SIRPG: variants seen among roughly 807,000 people sequenced by gnomAD.
SIRPG encodes the protein signal regulatory protein gamma.
A neutral mutation model predicts 35.7 loss-of-function variants in SIRPG; 38 were observed. That is an observed-to-expected ratio of 1.06 (90% CI 0.82 to 1.40). The LOEUF is 1.40. Among genes scored for constraint, SIRPG ranks in the 40% most tolerant of loss-of-function variants. The pLI, the probability that SIRPG is intolerant of heterozygous loss-of-function variation, is 0.00. For missense variants in SIRPG, 519 were observed against 483.0 expected, an observed-to-expected ratio of 1.07 and a Z score of -0.70; for synonymous variants, 215 against 190.4, an observed-to-expected ratio of 1.13 and a Z score of -1.06.
At chr20:1,653,246 C>T (rs1412519016) in intron 1 of SIRPG, among the ~76,000 whole-genome samples, 1 of 152,204 alleles carries the variant, frequency 6.6e-6, no homozygotes, top group Non-Finnish European at 1.5e-5. Context: ...CAAATCGTAG[C>T]TCTACCAGTT....
At chr20:1,671,890 C>A in the SIRPG span, among the ~76,000 whole-genome samples, 1 of 152,214 alleles carries the variant, frequency 6.6e-6, no homozygotes, top group Non-Finnish European at 1.5e-5. Flanking sequence ...GTGTTCCTTG[C>A]CCTCATTCCA....
At chr20:1,650,951 G>A (rs970441892) in intron 1 of SIRPG, among the ~76,000 whole-genome samples, 2 of 152,118 alleles carry the variant, frequency 1.3e-5, no homozygotes, top group Non-Finnish European at 2.9e-5. Context: ...GAAGACAGAG[G>A]GATGATATGT....
chr20:1,635,182 C>T (rs1441193565), intron 4 of SIRPG, 85 bp downstream of exon 4: 4 of 1,129,742 alleles, frequency 3.5e-6, no homozygotes, highest in South Asian at 3.2e-5. Flanking sequence ...TATTTATAGA[C>T]TTCTAGCTTA....
intron 5 of SIRPG, 109 bp downstream of exon 5, chr20:1,630,113 G>T: frequency 2.4e-6 from 2 of 829,828 alleles, no homozygotes; most frequent in Non-Finnish European, 4.0e-6. Flanking sequence ...GGTGCGGAGG[G>T]AGCTTAACTC....
chr20:1,650,004 G>GTATATATATATATATATATA lies in SIRPG; in HGVS notation c.74-616_74-597dup, dbSNP rs71193923. ...ACTCCTGAACTCTACTTTGAAGTGT[G>GTATATATATATATATATATA]TATATATATATATATATATATATGT... On this transcript the variant is annotated intron_variant, in intron 1 of 5. Coordinates refer to ENST00000303415, the MANE Select transcript of SIRPG (RefSeq NM_018556.4). 3.6e-4 allele frequency among the ~76,000 whole-genome samples: 36 copies of GTATATATATATATATATATA among 98,772 alleles called. 1 individual carries two copies. The highest frequency in any genetic ancestry group is 1.2e-3 in the African/African-American group (30 of 25,706). 64.8% of individuals were successfully genotyped at this position (98,772 alleles called of 152,430 possible).
the SIRPG span, among the ~76,000 whole-genome samples, chr20:1,673,494 GT>G: frequency 6.6e-6 from 1 of 152,116 alleles, no homozygotes; most frequent in Non-Finnish European, 1.5e-5. Flanking sequence ...CCCTGTGACT[GT>G]TTTCAGGAGG....
At chr20:1,655,840 T>C (rs1385395910) in intron 1 of SIRPG, among the ~76,000 whole-genome samples, 1 of 152,058 alleles carries the variant, frequency 6.6e-6, no homozygotes, top group Non-Finnish European at 1.5e-5. Flanking sequence ...AAAATTTCAC[T>C]GAAAATAGAA....
intron 2 of SIRPG, 93 bp from the exon 3 acceptor site, chr20:1,636,598 T>A: frequency 2.3e-6 from 3 of 1,279,058 alleles, no homozygotes; most frequent in Non-Finnish European, 3.3e-6. Flanking sequence ...TCAGATACAT[T>A]AATTTTAATC....
chr20:1,655,977 C>T (rs2091973014), intron 1 of SIRPG, among the ~76,000 whole-genome samples: 1 of 151,904 alleles, frequency 6.6e-6, no homozygotes, highest in Admixed American at 6.6e-5. Flanking sequence ...AAAAGTTTGG[C>T]TTATCATGTT....
rs185871223 is a variant in SIRPG at position 1,649,273 on chromosome 20, A to T, written c.209T>A (p.Val70Asp). ...GTAGATTAATTCCCGGCCTGGTCCA[A>T]CTCCTCTGAACCACAGGACGGGTCC... ...PVGPVLWFRG[V>D]GPGRELIYNQ... The change falls in exon 2 of 6, where the codon GTT becomes GAT. Residue 70 changes from valine to aspartate, a missense_variant. Val to Asp is a radical substitution (Grantham distance 152, BLOSUM62 -3). Transcript: ENST00000303415. The T allele has an allele frequency of 6.2e-7, 1 of 1,613,970 alleles. No homozygotes were observed. The highest frequency in any genetic ancestry group is 8.5e-7 in the Non-Finnish European group (1 of 1,179,992).
chr20:1,676,778 C>A, the SIRPG span: 1 of 214,716 alleles, frequency 4.7e-6, no homozygotes. Flanking sequence ...AACCACTGGA[C>A]AGGCCCCACA....
chr20:1,664,309 G>T, the SIRPG span, among the ~76,000 whole-genome samples: 3 of 152,154 alleles, frequency 2.0e-5, no homozygotes, highest in Non-Finnish European at 4.4e-5. Flanking sequence ...AGAGGAAAGA[G>T]AACTGTTTTT....
At chr20:1,636,128 G>T (rs1277440226) in intron 3 of SIRPG, 60 bp downstream of exon 3, 3 of 1,610,460 alleles carry the variant, frequency 1.9e-6, no homozygotes, top group African/African-American at 1.3e-5. Flanking sequence ...ACAGCCTGGG[G>T]AGAGGGGAGT....
chr20:1,682,261 T>A, the SIRPG span, among the ~76,000 whole-genome samples: 26 of 152,234 alleles, frequency 1.7e-4, no homozygotes, highest in East Asian at 5.0e-3. Context: ...GACTAAGAAA[T>A]GGTTAGAAGG....
chr20:1,678,860 C>T, the SIRPG span, among the ~76,000 whole-genome samples: 4 of 152,088 alleles, frequency 2.6e-5, no homozygotes, highest in South Asian at 2.1e-4. Flanking sequence ...TCCTCTCACG[C>T]GAGAGATCCT....
intron 1 of SIRPG, among the ~76,000 whole-genome samples, chr20:1,656,105 T>C (rs2091974020): frequency 6.6e-6 from 1 of 152,228 alleles, no homozygotes; most frequent in Non-Finnish European, 1.5e-5. Context: ...AAAACATACA[T>C]ACACTAGTGT....
At chr20:1,636,649 TTA>T (rs1304276160) in intron 2 of SIRPG, 144 bp from the exon 3 acceptor site, 25 of 1,032,324 alleles carry the variant, frequency 2.4e-5, no homozygotes, top group South Asian at 3.2e-5. Context: ...TATTCTCATT[TTA>T]CAGAGCAGGA....
rs148229743 is a variant in SIRPG, at chr20:1,638,864, T to C, written c.431-2359A>G. Among the ~76,000 whole-genome samples, 1,092 of 146,986 alleles carry C rather than the reference T, an allele frequency of 7.4e-3. 13 individuals are homozygous for C. Among genetic ancestry groups the C allele is most frequent in the African/African-American group, 0.026 (1,060 of 40,370 alleles). ...CAACTCCCACTTATGAGTGAGAACA[T>C]GTGGTGTTTGCTTTTCTGTCCCTGT... is the stretch of plus-strand genomic sequence containing the variant. On this transcript the variant is annotated intron_variant, in intron 2 of 5. Coordinates refer to ENST00000303415, the MANE Select transcript of SIRPG (RefSeq NM_018556.4).
chr20:1,644,203 C>T (rs1204401430), intron 2 of SIRPG, among the ~76,000 whole-genome samples: 1 of 152,190 alleles, frequency 6.6e-6, no homozygotes, highest in Non-Finnish European at 1.5e-5. Flanking sequence ...AAGACAGTGG[C>T]CACCCCTCCC....
Sources: gnomAD v4.1 joint callset for allele counts (sites outside exome capture counted in the v4.1 genomes callset) on GRCh38, gnomAD v4.1.1 for gene constraint, MANE v1.5 for transcripts, NCBI Gene and HGNC (gene_info 2026-07-23, HGNC 2026-07-21) for gene names.